Variants in FPR3 observed in about 807,000 individuals in gnomAD.
FPR3 encodes the protein formyl peptide receptor 3, also known as N-formyl peptide receptor 3.
For synonymous variants in FPR3, 135 were observed against 163.6 expected (o/e 0.83, Z 1.34); for missense variants, 346 against 443.2 (o/e 0.78, Z 1.97).
At position 51,823,796 on chromosome 19, in the gene FPR3, C is replaced by A. The variant is rs763361125; in HGVS notation, c.48C>A (p.Leu16=). ...SIPLNETEEV[L]PEPAGHTVLW... ...CTCTGAATGAAACTGAGGAGGTGCT[C>A]CCTGAGCCTGCTGGCCACACCGTTC... Residue 16 remains leucine (L), a synonymous_variant, in exon 2 of 2, where the codon CTC becomes CTA. Transcript: ENST00000339223. 3.1e-6 allele frequency: 5 copies of A among 1,612,256 alleles called. No individual in the cohort carries two copies. The South Asian group carries it at 5.5e-5, about 18-fold the overall frequency.
chr19:51,807,616 T>C (rs1490940482), intron 1 of FPR3, among the ~76,000 whole-genome samples: 1 of 152,192 alleles, frequency 6.6e-6, no homozygotes, highest in Non-Finnish European at 1.5e-5. Flanking sequence ...AGCATGACCT[T>C]TGGAAGAGCC....
chr19:51,805,755 G>A (rs2084054595), intron 1 of FPR3, among the ~76,000 whole-genome samples: 2 of 152,172 alleles, frequency 1.3e-5, no homozygotes, highest in Admixed American at 6.5e-5. Context: ...CAAAGTTACA[G>A]AGGACATCAC....
chr19:51,819,044 G>A (rs557497165), intron 1 of FPR3, among the ~76,000 whole-genome samples: 2 of 152,344 alleles, frequency 1.3e-5, no homozygotes, highest in African/African-American at 4.8e-5. Flanking sequence ...CATTCAGCAT[G>A]TTCTGTAGAT....
At chr19:51,812,371 T>C (rs967927523) in intron 1 of FPR3, among the ~76,000 whole-genome samples, 13 of 152,130 alleles carry the variant, frequency 8.5e-5, no homozygotes, top group African/African-American at 3.1e-4. Flanking sequence ...AAATAAAAAA[T>C]ATCACAAAGA....
chr19:51,818,574 G>C (rs933333072), intron 1 of FPR3, among the ~76,000 whole-genome samples: 1 of 152,216 alleles, frequency 6.6e-6, no homozygotes, highest in Non-Finnish European at 1.5e-5. Flanking sequence ...AATGGGTTAA[G>C]AGAATACCTC....
chr19:51,799,862 T>C lies in FPR3; in HGVS notation c.-11+4531T>C, dbSNP rs1194870079. 2.0e-5 allele frequency among the ~76,000 whole-genome samples: 3 copies of C among 152,214 alleles called. No homozygotes were observed. In the East Asian group the frequency reaches 5.8e-4, roughly 29 times the overall value. On this transcript the variant is annotated intron_variant, in intron 1 of 1. Coordinates refer to ENST00000339223, the MANE Select transcript of FPR3 (RefSeq NM_002030.5). ...TGGTGACCTAGGGCCTCGGTAGTGG[T>C]CCGGCCTGTATTGGCTCTAAGTAGC... is the stretch of plus-strand genomic sequence containing the variant.
intron 1 of FPR3, among the ~76,000 whole-genome samples, chr19:51,803,045 GAATT>G (rs2084034496): frequency 6.6e-6 from 1 of 151,664 alleles, no homozygotes; most frequent in Non-Finnish European, 1.5e-5. Flanking sequence ...AATAAATACT[GAATT>G]AATGAATCAA....
intron 1 of FPR3, among the ~76,000 whole-genome samples, chr19:51,815,861 CAAAAAA>C (rs35067102): frequency 1.5e-5 from 2 of 131,324 alleles, no homozygotes; most frequent in Admixed American, 1.5e-4. Context: ...GACCCTGTCT[CAAAAAA>C]AAAAGAAAAA....
intron 1 of FPR3, among the ~76,000 whole-genome samples, chr19:51,807,883 T>A (rs1262138500): frequency 6.6e-6 from 1 of 152,246 alleles, no homozygotes; most frequent in East Asian, 1.9e-4. Context: ...CTGCCCATAG[T>A]CACAATTTGT....
intron 1 of FPR3, among the ~76,000 whole-genome samples, chr19:51,807,075 G>T (rs963591453): frequency 6.6e-6 from 1 of 152,216 alleles, no homozygotes; most frequent in East Asian, 1.9e-4. Context: ...TGAACAAAGG[G>T]GACGAGCGTG....
intron 1 of FPR3, among the ~76,000 whole-genome samples, chr19:51,819,846 G>A (rs753104743): frequency 1.3e-4 from 20 of 152,296 alleles, no homozygotes; most frequent in Non-Finnish European, 2.1e-4. Flanking sequence ...TAGGATAATG[G>A]TTACTTGGTA....
Position 51,824,808 on chromosome 19 carries a change from T to G in FPR3, c.1060T>G (p.Ter354GlyextTer15), listed in dbSNP as rs2084220124. Residue 354 changes from the stop codon to glycine, a stop_lost, in exon 2 of 2, where the codon TGA becomes GGA. Transcript: ENST00000339223. This position sits in a 1 kb window ranked among gnomAD's most constrained non-coding sequence, Gnocchi z 4.7. ...TGAGGAGACGGAGTTACAAGCAATG[T>G]GAGGTCGGGGATATTTTTGGGCTCT... Reference protein sequence around the residue: ...PPEETELQAM* With the variant: ...PPEETELQAMG 3.1e-6 allele frequency: 5 copies of G among 1,603,888 alleles called. No homozygotes were observed. Among genetic ancestry groups the G allele is most frequent in the Non-Finnish European group, 4.3e-6 (5 of 1,174,262 alleles).
rs2084212250 is a variant in FPR3 at position 51,824,106 on chromosome 19, G to T, written c.358G>T (p.Ala120Ser). The change falls in exon 2 of 2, where the codon GCT becomes TCT. Residue 120 changes from alanine to serine, a missense_variant. Ala to Ser is a moderately conservative substitution (Grantham distance 99, BLOSUM62 1). Transcript: ENST00000339223. The surrounding 1 kb of genome is among the most constrained non-coding windows in gnomAD (Gnocchi z 4.7). ...CAGTGTCTACCTGATCACCATCATT[G>T]CTCTGGACCGCTGTATTTGTGTCCT... ...FVSVYLITII[A>S]LDRCICVLHP... 1 of 1,613,816 alleles carries T rather than the reference G, an allele frequency of 6.2e-7. No individual in the cohort carries two copies. Among genetic ancestry groups the T allele is most frequent in the African/African-American group, 1.3e-5 (1 of 74,896 alleles).
intron 1 of FPR3, among the ~76,000 whole-genome samples, 172 bp downstream of exon 1, chr19:51,795,503 TC>T (rs369658157): frequency 2.5e-4 from 26 of 103,874 alleles, no homozygotes; most frequent in South Asian, 6.4e-4. Flanking sequence ...CCAGTAACAT[TC>T]TTTTTTTTTT....
intron 1 of FPR3, among the ~76,000 whole-genome samples, chr19:51,795,967 T>G (rs1448256500): frequency 6.6e-6 from 1 of 152,224 alleles, no homozygotes; most frequent in Non-Finnish European, 1.5e-5. Context: ...CATGTAGCAT[T>G]GTAGAGATGT....
intron 1 of FPR3, among the ~76,000 whole-genome samples, chr19:51,799,039 G>A (rs1379564739): frequency 1.3e-5 from 2 of 151,552 alleles, no homozygotes; most frequent in East Asian, 1.9e-4. Context: ...CCCAGGAGGC[G>A]AAGGTTGCAG....
intron 1 of FPR3, among the ~76,000 whole-genome samples, chr19:51,795,952 C>A (rs1335222481): frequency 6.6e-6 from 1 of 152,168 alleles, no homozygotes; most frequent in East Asian, 1.9e-4. Flanking sequence ...TATATTTCTA[C>A]TGGACATGTA....
intron 1 of FPR3, 23 bp from the exon 2 acceptor site, chr19:51,823,716 T>G (rs2084207730): frequency 6.6e-7 from 1 of 1,513,558 alleles, no homozygotes; most frequent in East Asian, 2.3e-5. Context: ...AGCTGAGAAA[T>G]GGCCATTGCT....
At chr19:51,799,205 C>T (rs747198571) in intron 1 of FPR3, among the ~76,000 whole-genome samples, 3 of 152,200 alleles carry the variant, frequency 2.0e-5, no homozygotes, top group Non-Finnish European at 4.4e-5. Context: ...TCTTGCTCCT[C>T]TGAGTGTGGC....
Sources: gnomAD v4.1 joint callset for allele counts (sites outside exome capture counted in the v4.1 genomes callset) on GRCh38, gnomAD v4.1.1 for gene constraint, Gnocchi (gnomAD v3.1) non-coding constraint, MANE v1.5 for transcripts, NCBI Gene and HGNC (gene_info 2026-07-23, HGNC 2026-07-21) for gene names.